SLC2A13: variants seen among roughly 807,000 people sequenced by gnomAD.
SLC2A13 encodes proton myo-inositol cotransporter.
In SLC2A13, 32 loss-of-function variants were observed where a neutral mutation model predicts 64.4. The ratio of observed to expected loss-of-function variants is 0.50; its 90% CI spans 0.37 to 0.67. SLC2A13 has a LOEUF of 0.67. Ranked by LOEUF, SLC2A13 falls within the 30% of genes least tolerant of loss-of-function variation. SLC2A13 has a pLI of 0.00. For missense variants in SLC2A13, 743 were observed against 829.2 expected, an observed-to-expected ratio of 0.90 and a Z score of 1.28; for synonymous variants, 338 against 327.1, an observed-to-expected ratio of 1.03 and a Z score of -0.36.
chr12:39,969,774 CT>C (rs1252608778), intron 3 of SLC2A13, among the ~76,000 whole-genome samples: 1 of 152,148 alleles, frequency 6.6e-6, no homozygotes, highest in Non-Finnish European at 1.5e-5. Context: ...ATGGTAGTTT[CT>C]TTTGCTGTGC....
At chr12:40,085,431 C>A (rs1592071556) in intron 1 of SLC2A13, among the ~76,000 whole-genome samples, 1 of 152,120 alleles carries the variant, frequency 6.6e-6, no homozygotes, top group East Asian at 1.9e-4. Flanking sequence ...ACTGTGCCCT[C>A]AACCTGTGGA....
intron 4 of SLC2A13, among the ~76,000 whole-genome samples, chr12:39,904,366 A>C (rs1945212473): frequency 6.6e-6 from 1 of 152,170 alleles, no homozygotes; most frequent in Non-Finnish European, 1.5e-5. Context: ...GAAAAGTTTT[A>C]TATCAGTGTA....
intron 7 of SLC2A13, among the ~76,000 whole-genome samples, chr12:39,820,083 C>T (rs1469165378): frequency 6.6e-6 from 1 of 151,984 alleles, no homozygotes; most frequent in Non-Finnish European, 1.5e-5. Context: ...AGCTCTAAAT[C>T]CAATCTTTCC....
At chr12:39,882,063 A>G (rs1944350272) in intron 4 of SLC2A13, among the ~76,000 whole-genome samples, 1 of 151,574 alleles carries the variant, frequency 6.6e-6, no homozygotes, top group Non-Finnish European at 1.5e-5. Flanking sequence ...CACTGACATA[A>G]TATGTCACTC....
intron 6 of SLC2A13, among the ~76,000 whole-genome samples, chr12:39,852,437 G>C (rs1399820214): frequency 6.6e-6 from 1 of 152,134 alleles, no homozygotes; most frequent in Non-Finnish European, 1.5e-5. Flanking sequence ...GAAATTACTG[G>C]TTTGCTTAGT....
chr12:39,918,408 T>C (rs987432075), intron 4 of SLC2A13, among the ~76,000 whole-genome samples: 2 of 150,750 alleles, frequency 1.3e-5, no homozygotes, highest in Non-Finnish European at 2.9e-5. Context: ...TATGAAGAAC[T>C]GCTTCAGGCA....
chr12:40,052,689 T>C (rs1948278608), intron 1 of SLC2A13, among the ~76,000 whole-genome samples: 1 of 152,164 alleles, frequency 6.6e-6, no homozygotes, highest in Non-Finnish European at 1.5e-5. Context: ...ACTATATTTC[T>C]TCAAATGCAA....
At chr12:39,937,605 T>A (rs1427062962) in intron 4 of SLC2A13, among the ~76,000 whole-genome samples, 1 of 152,204 alleles carries the variant, frequency 6.6e-6, no homozygotes, top group Non-Finnish European at 1.5e-5. Flanking sequence ...CAAGGAAATA[T>A]GTTTTCATAT....
At position 40,105,825 on chromosome 12, in the gene SLC2A13, G is replaced by A. The variant is rs1442614591; in HGVS notation, c.-17C>T. 1.4e-6 allele frequency: 2 copies of A among 1,421,702 alleles called. No homozygotes were observed. Among genetic ancestry groups the A allele is most frequent in the Non-Finnish European group, 9.2e-7 (1 of 1,086,860 alleles). 88.1% of individuals were successfully genotyped at this position (1,421,702 alleles called of 1,614,324 possible). ...GCGGGACATAGGGCAGGGGCCCGGG[G>A]CTGCCCGGGGGGACGCGGCTCCGCG... On this transcript the variant is annotated 5_prime_UTR_variant, in exon 1 of 10. Transcript: ENST00000280871. The surrounding 1 kb of genome is among the most constrained non-coding windows in gnomAD (Gnocchi z 4.2).
At chr12:39,871,614 C>T (rs922874346) in intron 5 of SLC2A13, among the ~76,000 whole-genome samples, 184 bp downstream of exon 5, 11 of 152,046 alleles carry the variant, frequency 7.2e-5, no homozygotes, top group South Asian at 2.1e-4. Flanking sequence ...TTTCTAGTCA[C>T]GTAGCGTAAC....
At chr12:40,002,999 G>A (rs192996432) in intron 3 of SLC2A13, among the ~76,000 whole-genome samples, 10 of 152,284 alleles carry the variant, frequency 6.6e-5, no homozygotes, top group Admixed American at 2.6e-4. Flanking sequence ...GAGCCCTCAC[G>A]CTAGGCGTAT....
At position 40,105,577 on chromosome 12, in the gene SLC2A13, G is replaced by C. The variant is rs1282188585; in HGVS notation, c.232C>G (p.Pro78Ala). Residue 78 changes from proline (P) to alanine (A), a missense_variant, in exon 1 of 10, where the codon CCC (proline) becomes GCC (alanine). Transcript: ENST00000280871. The surrounding 1 kb of genome is among the most constrained non-coding windows in gnomAD (Gnocchi z 4.2). ...ACGGCCACCACGTACACGAAGGCGGGGGTCTCGTCCTGCTGGAACTGCCGC... is the reference window on the plus strand; with the variant it reads ...ACGGCCACCACGTACACGAAGGCGGCGGTCTCGTCCTGCTGGAACTGCCGC... ...ARRQFQQDET[P>A]AFVYVVAVFS... 2 of 1,565,942 alleles carry C rather than the reference G, an allele frequency of 1.3e-6. No homozygotes were observed. The highest frequency in any genetic ancestry group is 1.7e-6 in the Non-Finnish European group (2 of 1,158,890).
intron 9 of SLC2A13, among the ~76,000 whole-genome samples, chr12:39,761,518 G>A (rs554647849): frequency 6.6e-6 from 1 of 152,158 alleles, no homozygotes; most frequent in South Asian, 2.1e-4. Flanking sequence ...GACCAGGAAA[G>A]GAAGAGTTGC....
intron 7 of SLC2A13, among the ~76,000 whole-genome samples, chr12:39,820,737 ATATATATATATATATATATATAT>A (rs1942475188): frequency 9.1e-4 from 5 of 5,468 alleles, no homozygotes; most frequent in African/African-American, 2.9e-3. Flanking sequence ...ATATATATAT[ATATATATATATATATATATATAT>A]ATATATATAT....
At position 40,069,167 on chromosome 12, in the gene SLC2A13, GGAGT is replaced by G. The variant is rs1056873086; in HGVS notation, c.557-20961_557-20958del. On this transcript the variant is annotated intron_variant, in intron 1 of 9. Transcript: ENST00000280871. ...GGTATTTAGTGTCTGTTGAAATGAAGGAGTGAGGAAAGAAAAAGAGAAATAAAAA... is the reference window on the plus strand; with the variant it reads ...GGTATTTAGTGTCTGTTGAAATGAAGGAGGAAAGAAAAAGAGAAATAAAAA... Among the ~76,000 whole-genome samples the G allele has an allele frequency of 9.9e-5, 15 of 151,964 alleles. 2 individuals carry two copies. Among genetic ancestry groups the G allele is most frequent in the African/African-American group, 2.9e-4 (12 of 41,446 alleles).
chr12:39,822,527 A>C (rs1566830550), intron 7 of SLC2A13, among the ~76,000 whole-genome samples: 1 of 152,162 alleles, frequency 6.6e-6, no homozygotes. Context: ...CTTTTTAATA[A>C]ATTCCAAGCT....
At chr12:40,073,131 T>C (rs1455176425) in intron 1 of SLC2A13, among the ~76,000 whole-genome samples, 1 of 152,118 alleles carries the variant, frequency 6.6e-6, no homozygotes, top group Non-Finnish European at 1.5e-5. Flanking sequence ...ATGAATACCT[T>C]ATAATAGCAA....
At chr12:40,042,780 C>T (rs1376708037) in intron 2 of SLC2A13, among the ~76,000 whole-genome samples, 1 of 151,646 alleles carries the variant, frequency 6.6e-6, no homozygotes, top group Admixed American at 6.6e-5. Context: ...GAAGAGTAAG[C>T]AAGTAGTTGA....
intron 4 of SLC2A13, among the ~76,000 whole-genome samples, chr12:39,924,236 A>AGTTG (rs1945674622): frequency 6.6e-6 from 1 of 152,134 alleles, no homozygotes; most frequent in Non-Finnish European, 1.5e-5. Flanking sequence ...AGCTAAAATG[A>AGTTG]ATACCTTTAC....
Sources: gnomAD v4.1 joint callset for allele counts (sites outside exome capture counted in the v4.1 genomes callset) on GRCh38, gnomAD v4.1.1 for gene constraint, Gnocchi (gnomAD v3.1) non-coding constraint, MANE v1.5 for transcripts, NCBI Gene and HGNC (gene_info 2026-07-23, HGNC 2026-07-21) for gene names.